The following KALRN variants were observed in gnomAD, a reference collection of about 807,000 sequenced individuals.
KALRN encodes kalirin RhoGEF kinase, also known as kalirin.
A neutral mutation model predicts 353.7 loss-of-function variants in KALRN; 70 were observed. That is an observed-to-expected ratio of 0.20 (90% CI 0.16 to 0.24). The LOEUF is 0.24. Ranked by LOEUF, KALRN falls within the 10% of genes least tolerant of loss-of-function variation. The probability of loss-of-function intolerance (pLI) is 1.00; values close to 1 mark genes in which losing one functional copy is unlikely to be tolerated. For missense variants in KALRN, 2,791 were observed against 3,756.7 expected (o/e 0.74, Z 6.72); for synonymous variants, 1,391 against 1,434.8 (o/e 0.97, Z 0.69).
At chr3:124,292,702 G>A (rs1236257111) in intron 5 of KALRN, among the ~76,000 whole-genome samples, 1 of 152,174 alleles carries the variant, frequency 6.6e-6, no homozygotes, top group African/African-American at 2.4e-5. Flanking sequence ...TGAGCTGCAG[G>A]TGTGATTCCC....
intron 3 of KALRN, among the ~76,000 whole-genome samples, chr3:124,249,515 C>A (rs76667877): frequency 0.012 from 1,870 of 152,272 alleles, 35 homozygotes; most frequent in African/African-American, 0.043. Context: ...GGGGTCCAGT[C>A]ATGGGCTCAG....
chr3:124,079,195 G>T (rs778488826), intron 1 of KALRN, among the ~76,000 whole-genome samples: 3 of 152,128 alleles, frequency 2.0e-5, no homozygotes, highest in African/African-American at 7.2e-5. Context: ...AAGCAGAGGG[G>T]ATTTTTGCAT....
rs2079553826 is a variant in KALRN, at chr3:124,234,759, T to C, written c.149-70T>C. On this transcript the variant is annotated intron_variant, in intron 2 of 59. Transcript: ENST00000682506. ...CTGATCACCCAGCACTCAGACAGATTTCTTTTTCCTCTGTGGCTTTCCTTT... is the reference window on the plus strand; with the variant it reads ...CTGATCACCCAGCACTCAGACAGATCTCTTTTTCCTCTGTGGCTTTCCTTT... 2.5e-6 allele frequency: 3 copies of C among 1,216,720 alleles called. No homozygotes were observed. In the Admixed American group the frequency reaches 6.0e-5, roughly 24 times the overall value. The allele number at this position is 1,216,720 out of a possible 1,614,324, so 75.4% of individuals were successfully genotyped here.
intron 1 of KALRN, among the ~76,000 whole-genome samples, chr3:124,080,628 G>A (rs1486521754): frequency 6.6e-6 from 1 of 152,086 alleles, no homozygotes; most frequent in African/African-American, 2.4e-5. Flanking sequence ...GATTATTTCT[G>A]GTGTTTAAAA....
chr3:124,666,605 C>G lies in KALRN; in HGVS notation c.6502C>G (p.Pro2168Ala). 6.2e-7 allele frequency: 1 copy of G among 1,614,072 alleles called. No homozygotes were observed. The highest frequency in any genetic ancestry group is 8.5e-7 in the Non-Finnish European group (1 of 1,179,980). The change falls in exon 46 of 60, where the codon CCT becomes GCT. Residue 2168 changes from proline to alanine, a missense_variant. Pro to Ala is a conservative substitution (Grantham distance 27, BLOSUM62 -1). Around this residue, in one of 11 missense-constraint regions of KALRN, gnomAD observed 1,065 missense variants for 1,156.4 expected, o/e 0.92. Transcript: ENST00000682506. ...SELLRKGSLT[P>A]GYMFKRSIKM... is the part of the protein sequence containing the mutation. ...ACTGCTCAGGAAGGGATCCCTCACC[C>G]CTGGCTACATGTTCAAAAGGAGCAT...
intron 34 of KALRN, among the ~76,000 whole-genome samples, chr3:124,576,542 A>G (rs917206921): frequency 6.6e-6 from 1 of 152,114 alleles, no homozygotes; most frequent in Admixed American, 6.5e-5. Flanking sequence ...TTCTCTGGGG[A>G]CGTATGGGTT....
At chr3:124,591,610 A>G (rs1285365208) in intron 34 of KALRN, among the ~76,000 whole-genome samples, 3 of 152,214 alleles carry the variant, frequency 2.0e-5, no homozygotes, top group African/African-American at 7.2e-5. Flanking sequence ...CATTTACCCC[A>G]TTGAGCTGTG....
At chr3:124,346,735 C>T (rs1035547885) in intron 9 of KALRN, among the ~76,000 whole-genome samples, 11 of 152,132 alleles carry the variant, frequency 7.2e-5, no homozygotes, top group Non-Finnish European at 1.2e-4. Flanking sequence ...CTTATGGCAG[C>T]GTGACGGATG....
intron 34 of KALRN, among the ~76,000 whole-genome samples, chr3:124,626,406 TTACAC>T (rs2079959444): frequency 6.6e-6 from 1 of 152,192 alleles, no homozygotes; most frequent in African/African-American, 2.4e-5. Context: ...GGAAAAATGT[TTACAC>T]TATATCTAGG....
intron 1 of KALRN, chr3:124,100,534 C>T (rs534920231): frequency 1.1e-4 from 16 of 152,260 alleles, no homozygotes; most frequent in Non-Finnish European, 2.2e-4. Flanking sequence ...TAAAGACTTA[C>T]GTGTAAGACC....
At chr3:124,415,800 C>G (rs2092463321) in intron 14 of KALRN, among the ~76,000 whole-genome samples, 1 of 152,198 alleles carries the variant, frequency 6.6e-6, no homozygotes, top group African/African-American at 2.4e-5. Context: ...CTGGGCCCAG[C>G]AGCACCAGCA....
At chr3:124,660,123 C>G (rs333293) in intron 43 of KALRN, among the ~76,000 whole-genome samples, 91,086 of 151,492 alleles carry the variant, frequency 0.6, 28,092 homozygotes, top group African/African-American at 0.74. Flanking sequence ...TGTAGAGACA[C>G]GGTCTCACTA....
At chr3:124,346,957 A>G (rs768040664) in intron 9 of KALRN, among the ~76,000 whole-genome samples, 186 bp from the exon 10 acceptor site, 3 of 152,206 alleles carry the variant, frequency 2.0e-5, no homozygotes, top group Non-Finnish European at 4.4e-5. Context: ...AGGTGGGACT[A>G]TGATATTGCC....
intron 51 of KALRN, among the ~76,000 whole-genome samples, chr3:124,691,650 C>A (rs1302666042): frequency 6.6e-6 from 1 of 152,082 alleles, no homozygotes; most frequent in African/African-American, 2.4e-5. Context: ...ACAAAGCCAC[C>A]CTTAAACCTA....
intron 33 of KALRN, among the ~76,000 whole-genome samples, chr3:124,508,987 G>C (rs1019272597): frequency 1.3e-5 from 2 of 152,120 alleles, no homozygotes; most frequent in African/African-American, 4.8e-5. Context: ...GCTTTTACCT[G>C]TGTGTACAGT....
chr3:124,134,143 A>G (rs567850710), intron 1 of KALRN, among the ~76,000 whole-genome samples: 1 of 152,344 alleles, frequency 6.6e-6, no homozygotes, highest in East Asian at 1.9e-4. Flanking sequence ...CTATAAGGCT[A>G]TAGTCACCAA....
intron 1 of KALRN, chr3:124,151,837 C>A: frequency 2.5e-6 from 1 of 405,242 alleles, no homozygotes; most frequent in Admixed American, 4.1e-5. Flanking sequence ...ATCAGTAATT[C>A]ATTTGGAAAT....
chr3:124,063,725 G>A (rs933858769), intron 1 of KALRN, among the ~76,000 whole-genome samples: 1 of 152,136 alleles, frequency 6.6e-6, no homozygotes, highest in Admixed American at 6.6e-5. Flanking sequence ...CAAACACACT[G>A]TAGCTATATT....
chr3:124,065,155 G>T (rs2042253958), intron 1 of KALRN, among the ~76,000 whole-genome samples: 2 of 152,148 alleles, frequency 1.3e-5, no homozygotes, highest in South Asian at 2.1e-4. Flanking sequence ...TAAGAGAGAA[G>T]GTTTCTTATT....
Sources: gnomAD v4.1 joint callset for allele counts (sites outside exome capture counted in the v4.1 genomes callset) on GRCh38, gnomAD v4.1.1 for gene constraint, gnomAD v4.1.1 regional missense constraint, MANE v1.5 for transcripts, NCBI Gene and HGNC (gene_info 2026-07-23, HGNC 2026-07-21) for gene names.